Variants in FBXL17 observed in about 807,000 individuals in gnomAD.
FBXL17 encodes F-box/LRR-repeat protein 17.
In FBXL17, 22 loss-of-function variants were observed where a neutral mutation model predicts 66.2. The ratio of observed to expected loss-of-function variants is 0.33; its 90% CI spans 0.24 to 0.47. The LOEUF is 0.47. Among genes scored for constraint, FBXL17 ranks in the 20% least tolerant of loss-of-function variants. The pLI, the probability that FBXL17 is intolerant of heterozygous loss-of-function variation, is 1.00. For synonymous variants in FBXL17, 474 were observed against 400.5 expected, an observed-to-expected ratio of 1.18 and a Z score of -2.19; for missense variants, 878 against 948.2, an observed-to-expected ratio of 0.93 and a Z score of 0.97.
intron 4 of FBXL17, among the ~76,000 whole-genome samples, chr5:108,258,874 T>G (rs528309205): frequency 5.5e-4 from 83 of 151,482 alleles, no homozygotes; most frequent in African/African-American, 2.0e-3. Context: ...AAATTCCAAA[T>G]TAGATCTGAG....
chr5:108,251,475 T>C (rs1175929983), intron 4 of FBXL17, among the ~76,000 whole-genome samples: 1 of 152,060 alleles, frequency 6.6e-6, no homozygotes, highest in East Asian at 1.9e-4. Context: ...CTTGTCCTCT[T>C]ATCAGATGAA....
intron 6 of FBXL17, among the ~76,000 whole-genome samples, chr5:108,045,350 G>A (rs1747213251): frequency 6.6e-6 from 1 of 152,054 alleles, no homozygotes; most frequent in Non-Finnish European, 1.5e-5. Flanking sequence ...GCTGGGTCAG[G>A]AGAATCACTT....
chr5:108,101,904 G>C (rs1330133417), intron 6 of FBXL17, among the ~76,000 whole-genome samples: 1 of 152,176 alleles, frequency 6.6e-6, no homozygotes, highest in East Asian at 1.9e-4. Flanking sequence ...AAAGTTCAAA[G>C]TAGACATCAC....
At chr5:108,333,005 T>C (rs1315275095) in intron 4 of FBXL17, among the ~76,000 whole-genome samples, 5 of 141,966 alleles carry the variant, frequency 3.5e-5, no homozygotes, top group African/African-American at 1.3e-4. Context: ...TGTATTAAGA[T>C]CTTGTAATTT....
At chr5:108,320,340 G>A (rs1759559454) in intron 4 of FBXL17, among the ~76,000 whole-genome samples, 3 of 151,606 alleles carry the variant, frequency 2.0e-5, no homozygotes, top group African/African-American at 7.3e-5. Context: ...ATCTGGGAGA[G>A]CATGAGGGGA....
chr5:108,149,571 G>A (rs1225179317), intron 6 of FBXL17, among the ~76,000 whole-genome samples: 3 of 152,144 alleles, frequency 2.0e-5, no homozygotes, highest in Admixed American at 6.5e-5. Context: ...CTTGACACAT[G>A]AGTCTCTTTG....
chr5:108,360,944 CTTCA>C (rs1748305107), intron 3 of FBXL17, among the ~76,000 whole-genome samples: 1 of 152,040 alleles, frequency 6.6e-6, no homozygotes, highest in Non-Finnish European at 1.5e-5. Flanking sequence ...ATTTCTAGCT[CTTCA>C]TTGACATTCT....
intron 7 of FBXL17, among the ~76,000 whole-genome samples, chr5:107,957,364 A>G (rs1049138814): frequency 6.6e-6 from 1 of 152,162 alleles, no homozygotes; most frequent in Non-Finnish European, 1.5e-5. Flanking sequence ...GAATGGAGAA[A>G]AAGGAAACAA....
chr5:108,335,083 A>C (rs1419409655), intron 4 of FBXL17, among the ~76,000 whole-genome samples: 1 of 152,172 alleles, frequency 6.6e-6, no homozygotes, highest in Non-Finnish European at 1.5e-5. Context: ...CCTTTTTCTT[A>C]AGGCATTGAT....
At position 107,929,660 on chromosome 5, in the gene FBXL17, C is replaced by T. The variant is rs1443418592; in HGVS notation, c.1823-48481G>A. ...GTCAGATACCTATGAAACAATGATT[C>T]CAAGAAATATCTGCTGATGTATCCA... On this transcript the variant is annotated intron_variant, in intron 7 of 8. Coordinates refer to ENST00000542267, the MANE Select transcript of FBXL17 (RefSeq NM_001163315.3). Among the ~76,000 whole-genome samples the T allele has an allele frequency of 2.6e-5, 4 of 151,972 alleles. No individual in the cohort carries two copies. The East Asian group carries it at 7.8e-4, about 29-fold the overall frequency.
At chr5:108,205,189 G>A (rs10070927) in intron 5 of FBXL17, among the ~76,000 whole-genome samples, 113,890 of 151,986 alleles carry the variant, frequency 0.75, 43,057 homozygotes, top group East Asian at 0.93. Flanking sequence ...CTGAGATTAC[G>A]GGCACAAAAC....
intron 2 of FBXL17, among the ~76,000 whole-genome samples, chr5:108,365,820 A>T (rs942375487): frequency 6.6e-6 from 1 of 152,036 alleles, no homozygotes; most frequent in African/African-American, 2.4e-5. Flanking sequence ...TAGTGTGGAA[A>T]AACTCCACAT....
intron 7 of FBXL17, among the ~76,000 whole-genome samples, chr5:107,899,359 G>A (rs1475227039): frequency 2.0e-5 from 3 of 152,164 alleles, no homozygotes; most frequent in Non-Finnish European, 2.9e-5. Context: ...GAATCAAAGA[G>A]TTGTAAGGGC....
At chr5:108,216,719 G>T (rs1754613991) in intron 5 of FBXL17, among the ~76,000 whole-genome samples, 1 of 152,158 alleles carries the variant, frequency 6.6e-6, no homozygotes, top group South Asian at 2.1e-4. Flanking sequence ...CCCGCCTGTG[G>T]GTCAGTGCCT....
intron 8 of FBXL17, chr5:107,879,507 C>T (rs1490660755): frequency 6.1e-6 from 6 of 985,372 alleles, no homozygotes; most frequent in Middle Eastern, 1.0e-3. Context: ...CTGGGCTGGG[C>T]TGAGAATATA....
chr5:108,246,939 T>C (rs1392669571), intron 4 of FBXL17, among the ~76,000 whole-genome samples: 1 of 152,202 alleles, frequency 6.6e-6, no homozygotes, highest in Admixed American at 6.5e-5. Context: ...TGTACTTACC[T>C]AATATTGTGG....
At chr5:108,286,245 C>T (rs1757895670) in intron 4 of FBXL17, among the ~76,000 whole-genome samples, 1 of 151,942 alleles carries the variant, frequency 6.6e-6, no homozygotes, top group African/African-American at 2.4e-5. Flanking sequence ...AACAGGATGT[C>T]CTCTCTCACT....
At chr5:107,916,596 A>C (rs1750142199) in intron 7 of FBXL17, among the ~76,000 whole-genome samples, 1 of 139,976 alleles carries the variant, frequency 7.1e-6, no homozygotes, top group South Asian at 2.3e-4. Context: ...AATCATTTTA[A>C]ATGAAGTCAA....
intron 6 of FBXL17, among the ~76,000 whole-genome samples, chr5:108,057,133 T>G (rs1580382689): frequency 6.6e-6 from 1 of 152,128 alleles, no homozygotes; most frequent in Admixed American, 6.5e-5. Context: ...AAATGAAAAA[T>G]TTAAGTAAAA....
Sources: allele counts gnomAD v4.1 joint callset (sites outside exome capture counted in the v4.1 genomes callset), GRCh38; gene constraint gnomAD v4.1.1; transcripts MANE v1.5; gene names NCBI Gene and HGNC (gene_info 2026-07-23, HGNC 2026-07-21).